CAD: variants seen among roughly 807,000 people sequenced by gnomAD.
CAD encodes carbamoyl-phosphate synthetase 2, aspartate transcarbamylase, and dihydroorotase.
CAD carries 81 observed loss-of-function variants against 237.2 expected under a neutral mutation model. The ratio of observed to expected loss-of-function variants is 0.34; its 90% confidence interval spans 0.29 to 0.41. The LOEUF (loss-of-function observed/expected upper bound fraction) is 0.41. Ranked by LOEUF, CAD falls within the 10% of genes least tolerant of loss-of-function variation. The pLI, the probability that CAD is intolerant of heterozygous loss-of-function variation, is 1.00. For synonymous variants in CAD, 1,196 were observed against 1,162.8 expected, an observed-to-expected ratio of 1.03 and a Z score of -0.58; for missense variants, 2,181 against 2,951.7, an observed-to-expected ratio of 0.74 and a Z score of 6.05.
chr2:27,243,390 CTTTT>C (rs5830040), intron 43 of CAD, 22 bp from the exon 44 acceptor site: 10,016 of 1,344,206 alleles, frequency 7.5e-3, no homozygotes, highest in Non-Finnish European at 8.7e-3. Flanking sequence ...ATAACACTTC[CTTTT>C]TTTTTTTTTT....
Position 27,242,040 on chromosome 2 carries a change from G to A in CAD, c.6013G>A (p.Glu2005Lys), listed in dbSNP as rs755586546. Residue 2005 changes from glutamate to lysine, a missense_variant, in exon 39 of 44, where the codon GAA becomes AAA. Around this residue, in one of 12 missense-constraint regions of CAD, gnomAD observed 203 missense variants for 284.5 expected, o/e 0.71. Coordinates refer to ENST00000264705, the MANE Select transcript of CAD (RefSeq NM_004341.5). This position sits in a 1 kb window ranked among gnomAD's most constrained non-coding sequence, Gnocchi z 6.4. Reference protein sequence around the residue: ...SEATSSVQKGESLADSVQTMS... With the variant: ...SEATSSVQKGKSLADSVQTMS... The stretch of plus-strand genomic sequence containing the variant: ...AGCCACATCGTCCGTCCAGAAGGGC[G>A]AATCCCTGGCTGACTCCGTGCAGAC... 2.7e-5 allele frequency: 44 copies of A among 1,613,240 alleles called. No individual in the cohort carries two copies. Among genetic ancestry groups the A allele is most frequent in the South Asian group, 6.6e-5 (6 of 91,090 alleles).
intron 13 of CAD, 100 bp downstream of exon 13, chr2:27,226,419 G>A: frequency 6.5e-7 from 1 of 1,543,480 alleles, no homozygotes; most frequent in Non-Finnish European, 8.9e-7. Flanking sequence ...TACAGTCCCT[G>A]GAGTACAAGC....
In CAD at chr2:27,235,666, C is replaced by T. The variant is rs1426905029; in HGVS notation, c.4074+26C>T. 1.3e-6 allele frequency: 2 copies of T among 1,585,606 alleles called. No individual in the cohort carries two copies. Among genetic ancestry groups the T allele is most frequent in the African/African-American group, 1.3e-5 (1 of 74,390 alleles). On this transcript the variant is annotated intron_variant, in intron 25 of 43. Transcript: ENST00000264705. This position sits in a 1 kb window ranked among gnomAD's most constrained non-coding sequence, Gnocchi z 5.2. ...GTGCAGGAACTCTGGCAACCTACCCCACTGCTGCCCTTCCCCAAGGGGGTG... is the reference window on the plus strand; with the variant it reads ...GTGCAGGAACTCTGGCAACCTACCCTACTGCTGCCCTTCCCCAAGGGGGTG...
At chr2:27,225,343 G>C (rs1572428366) in intron 11 of CAD, 100 bp downstream of exon 11, 2 of 655,554 alleles carry the variant, frequency 3.1e-6, no homozygotes, top group Admixed American at 7.2e-5. Flanking sequence ...TTTCGCTCTT[G>C]TTGCGCAGGC....
intron 30 of CAD, 40 bp from the exon 31 acceptor site, chr2:27,238,391 A>T: frequency 6.5e-7 from 1 of 1,529,264 alleles, no homozygotes; most frequent in Admixed American, 1.9e-5. Flanking sequence ...GGCAAGGCAT[A>T]TGGGTGGTGC....
Position 27,225,797 on chromosome 2 carries a change from G to A in CAD, c.1713G>A (p.Arg571=), listed in dbSNP as rs766569440. The change falls in exon 12 of 44, where the codon AGG becomes AGA. Residue 571 remains arginine, a synonymous_variant. Coordinates refer to ENST00000264705, the MANE Select transcript of CAD (RefSeq NM_004341.5). The stretch of plus-strand genomic sequence containing the variant: ...TGGGCTCTGGCTTTGCCTCTAACAG[G>A]GAGGAGCTCTCTGCTCTCGTGGCCC... ...GGLGSGFASN[R]EELSALVAPA... is the part of the protein sequence containing the mutation. 1.9e-6 allele frequency: 3 copies of A among 1,614,108 alleles called. No individual in the cohort carries two copies. The East Asian group carries it at 6.7e-5, about 36-fold the overall frequency.
At chr2:27,218,148 G>C in intron 2 of CAD, 132 bp downstream of exon 2, 1 of 744,676 alleles carries the variant, frequency 1.3e-6, no homozygotes, top group Non-Finnish European at 2.1e-6. Context: ...TAAAGTCAAG[G>C]ACTAAGATCA....
chr2:27,233,086 C>T lies in CAD; in HGVS notation c.2937C>T (p.Val979=), dbSNP rs1483126446. The change falls in exon 19 of 44, where the codon GTC becomes GTT. Residue 979 remains valine (V), a synonymous_variant. Coordinates refer to ENST00000264705, the MANE Select transcript of CAD (RefSeq NM_004341.5). This position sits in a 1 kb window ranked among gnomAD's most constrained non-coding sequence, Gnocchi z 6.3. ...TGGTGAACTATAACCCAGAGACAGT[C>T]AGCACCGACTATGACATGTGTGATC... ...TIMVNYNPET[V]STDYDMCDRL... is the part of the protein sequence containing the mutation. 4 of 1,613,660 alleles carry T rather than the reference C, an allele frequency of 2.5e-6. No individual in the cohort carries two copies. Among genetic ancestry groups the T allele is most frequent in the South Asian group, 1.1e-5 (1 of 91,040 alleles).
intron 15 of CAD, among the ~76,000 whole-genome samples, chr2:27,228,672 A>G (rs974761139): frequency 2.4e-4 from 37 of 151,562 alleles, no homozygotes; most frequent in African/African-American, 8.0e-4. Context: ...GCTCACCACA[A>G]TCTCTGCCTC....
intron 23 of CAD, 122 bp downstream of exon 23, chr2:27,234,807 T>C: frequency 3.3e-6 from 3 of 922,896 alleles, no homozygotes; most frequent in Non-Finnish European, 4.9e-6. Context: ...ATCGTGGGGG[T>C]AATGAGGTGG....
Position 27,235,187 on chromosome 2 carries a change from G to A in CAD, c.3787-58G>A. 1 of 1,469,430 alleles carries A rather than the reference G, an allele frequency of 6.8e-7. No individual in the cohort carries two copies. Among genetic ancestry groups the A allele is most frequent in the Non-Finnish European group, 9.3e-7 (1 of 1,078,142 alleles). The allele number at this position is 1,469,430 out of a possible 1,614,324, so 91.0% of individuals were successfully genotyped here. On this transcript the variant is annotated intron_variant, in intron 23 of 43. Coordinates refer to ENST00000264705, the MANE Select transcript of CAD (RefSeq NM_004341.5). This position sits in a 1 kb window ranked among gnomAD's most constrained non-coding sequence, Gnocchi z 5.2. ...ACAGGGTACTGTGTCCGTCTCTGCT[G>A]GTGAGGGAGGAGGTCCTCTCACACC...
chr2:27,225,764 G>T lies in CAD; in HGVS notation c.1680G>T (p.Leu560=), dbSNP rs965782703. The T allele has an allele frequency of 2.5e-6, 4 of 1,614,208 alleles. No homozygotes were observed. Among genetic ancestry groups the T allele is most frequent in the Non-Finnish European group, 3.4e-6 (4 of 1,180,036 alleles). The change falls in exon 12 of 44, where the codon CTG becomes CTT. Residue 560 remains leucine (L), a synonymous_variant. Transcript: ENST00000264705. The stretch of plus-strand genomic sequence containing the variant: ...TGCTAGTGCGTGCAGCCTTTGCCCT[G>T]GGTGGCCTGGGCTCTGGCTTTGCCT... ...YPVLVRAAFA[L]GGLGSGFASN...
At position 27,241,186 on chromosome 2, in the gene CAD, G is replaced by C. The variant is rs1676298577; in HGVS notation, c.5767G>C (p.Gly1923Arg). 2 of 1,612,904 alleles carry C rather than the reference G, an allele frequency of 1.2e-6. No homozygotes were observed. Among genetic ancestry groups the C allele is most frequent in the Non-Finnish European group, 1.7e-6 (2 of 1,179,534 alleles). ...QTSPLLHSLV[G>R]QHILSVQQFT... ...CTCACCCCTGCTGCACTCATTAGTG[G>C]GCCAACATATCCTGTCCGTCCAGCA... Residue 1923 changes from glycine (G) to arginine (R), a missense_variant, in exon 37 of 44, where the codon GGC (glycine) becomes CGC (arginine). Around this residue, in one of 12 missense-constraint regions of CAD, gnomAD observed 203 missense variants for 284.5 expected, o/e 0.71. Transcript: ENST00000264705. This position sits in a 1 kb window ranked among gnomAD's most constrained non-coding sequence, Gnocchi z 4.6.
At chr2:27,219,788 C>T (rs758234591) in intron 2 of CAD, among the ~76,000 whole-genome samples, 1 of 152,046 alleles carries the variant, frequency 6.6e-6, no homozygotes, top group Non-Finnish European at 1.5e-5. Context: ...AGGGTTTCTC[C>T]ATGTTGGTCA....
intron 2 of CAD, among the ~76,000 whole-genome samples, chr2:27,219,958 T>G (rs991488710): frequency 9.2e-5 from 14 of 152,302 alleles, no homozygotes; most frequent in African/African-American, 3.1e-4. Flanking sequence ...AACCTTTGTT[T>G]TTTATTTGGT....
chr2:27,224,394 C>T lies in CAD; in HGVS notation c.1158C>T (p.Pro386=), dbSNP rs541054613. The T allele has an allele frequency of 2.0e-4, 319 of 1,614,192 alleles. No individual in the cohort carries two copies. The highest frequency in any genetic ancestry group is 4.7e-4 in the Admixed American group (28 of 60,024). Residue 386 remains proline (P), a synonymous_variant, in exon 9 of 44, where the codon CCC becomes CCT. Coordinates refer to ENST00000264705, the MANE Select transcript of CAD (RefSeq NM_004341.5). The part of the protein sequence containing the change: ...ERLCPPGIPT[P]GSGLPPPRKV... ...TCTGTCCCCCTGGGATTCCCACTCCCGGCTCTGGACTTCCACCACCACGAA... is the reference window on the plus strand; with the variant it reads ...TCTGTCCCCCTGGGATTCCCACTCCTGGCTCTGGACTTCCACCACCACGAA...
chr2:27,223,487 C>G, intron 6 of CAD, 76 bp from the exon 7 acceptor site: 1 of 1,267,576 alleles, frequency 7.9e-7, no homozygotes, highest in East Asian at 2.3e-5. Context: ...AACAGGAGAT[C>G]GGTGAGAGCT....
At position 27,243,713 on chromosome 2, in the gene CAD, A is replaced by G. The variant is rs902766554; in HGVS notation, c.*195A>G. ...CAGATGCTGGGGCCCAGTCTGCCCCATCTTCATTCCTGCACCTTAAACCTG... is the reference window on the plus strand; with the variant it reads ...CAGATGCTGGGGCCCAGTCTGCCCCGTCTTCATTCCTGCACCTTAAACCTG... On this transcript the variant is annotated 3_prime_UTR_variant, in exon 44 of 44. Transcript: ENST00000264705. 1.2e-5 allele frequency: 7 copies of G among 599,382 alleles called. No homozygotes were observed. Among genetic ancestry groups the G allele is most frequent in the African/African-American group, 1.1e-4 (6 of 53,792 alleles). The allele number at this position is 599,382 out of a possible 1,614,324, so 37.1% of individuals were successfully genotyped here. A position where few individuals can be genotyped will look rare whatever the true frequency, so the allele number is the denominator to read the frequency against.
chr2:27,238,567 C>A lies in CAD; in HGVS notation c.4997C>A (p.Ser1666Tyr), dbSNP rs767593539. The change falls in exon 31 of 44, where the codon TCC (serine) becomes TAC (tyrosine). Residue 1666 changes from serine to tyrosine, a missense_variant. Ser to Tyr is a moderately radical substitution (Grantham distance 144, BLOSUM62 -2). This residue lies in a region of CAD where 478 missense variants were observed against 515.0 expected (regional missense o/e 0.93). Coordinates refer to ENST00000264705, the MANE Select transcript of CAD (RefSeq NM_004341.5). ...GKGEVRPELG[S>Y]RQDVEALWEN... Reference sequence around the variant, plus strand: ...GGGGAGGTCCGGCCTGAGCTTGGCTCCCGCCAGGATGTGGAAGCCCTGTGG... The same window carrying A: ...GGGGAGGTCCGGCCTGAGCTTGGCTACCGCCAGGATGTGGAAGCCCTGTGG... 1 of 1,614,102 alleles carries A rather than the reference C, an allele frequency of 6.2e-7. No individual in the cohort carries two copies. The highest frequency in any genetic ancestry group is 1.1e-5 in the South Asian group (1 of 91,072).
Sources: allele counts gnomAD v4.1 joint callset (sites outside exome capture counted in the v4.1 genomes callset), GRCh38; gene constraint gnomAD v4.1.1; regional missense constraint gnomAD v4.1.1; non-coding constraint Gnocchi (gnomAD v3.1); transcripts MANE v1.5; gene names NCBI Gene and HGNC (gene_info 2026-07-23, HGNC 2026-07-21).